The following SMAGP variants were observed in gnomAD, a reference collection of about 807,000 sequenced individuals.
SMAGP encodes small cell adhesion glycoprotein.
In SMAGP, 7 loss-of-function variants were observed where a neutral mutation model predicts 10.1. That is an observed-to-expected ratio of 0.70 (90% CI 0.40 to 1.31). The LOEUF (loss-of-function observed/expected upper bound fraction) is 1.31. Among genes scored for constraint, SMAGP ranks in the 50% most tolerant of loss-of-function variants. The pLI is 0.01. For synonymous variants in SMAGP, 49 were observed against 47.2 expected, an observed-to-expected ratio of 1.04 and a Z score of -0.16; for missense variants, 113 against 116.5, an observed-to-expected ratio of 0.97 and a Z score of 0.14.
chr12:51,246,475 A>G, intron 3 of SMAGP: 1 of 433,486 alleles, frequency 2.3e-6, no homozygotes, highest in East Asian at 3.6e-5. Context: ...CCACTCAACC[A>G]ACCACATATA....
intron 2 of SMAGP, among the ~76,000 whole-genome samples, chr12:51,248,643 C>G (rs1944808164): frequency 6.6e-6 from 1 of 152,180 alleles, no homozygotes; most frequent in Non-Finnish European, 1.5e-5. Context: ...CTTCCTCTGC[C>G]TTTCCCATAG....
intron 2 of SMAGP, among the ~76,000 whole-genome samples, chr12:51,248,900 CAAAAAAAAAA>C (rs545881552): frequency 1.4e-4 from 13 of 95,628 alleles, no homozygotes; most frequent in African/African-American, 4.1e-4. Flanking sequence ...AAAAATACCA[CAAAAAAAAAA>C]AAAAAAAAAA....
chr12:51,263,148 C>T (rs1326598712), intron 2 of SMAGP, among the ~76,000 whole-genome samples: 1 of 151,972 alleles, frequency 6.6e-6, no homozygotes, highest in Non-Finnish European at 1.5e-5. Context: ...TTTGGGAGGT[C>T]GGGGTGAGTG....
intron 2 of SMAGP, among the ~76,000 whole-genome samples, chr12:51,254,321 G>A (rs1458851197): frequency 2.0e-5 from 3 of 152,152 alleles, no homozygotes; most frequent in Non-Finnish European, 4.4e-5. Context: ...GGCCGAGGCG[G>A]GTGGATCATG....
chr12:51,255,552 C>G (rs1944877257), intron 2 of SMAGP, among the ~76,000 whole-genome samples: 1 of 152,162 alleles, frequency 6.6e-6, no homozygotes, highest in African/African-American at 2.4e-5. Context: ...CCAAGCACCC[C>G]AGGCTCAGCT....
At chr12:51,253,990 T>C (rs963596378) in intron 2 of SMAGP, among the ~76,000 whole-genome samples, 1 of 152,178 alleles carries the variant, frequency 6.6e-6, no homozygotes, top group South Asian at 2.1e-4. Flanking sequence ...CAGAAAGTAC[T>C]ACAGGAGATT....
chr12:51,259,240 G>A (rs1173884644), intron 2 of SMAGP, among the ~76,000 whole-genome samples: 2 of 152,064 alleles, frequency 1.3e-5, no homozygotes, highest in African/African-American at 2.4e-5. Flanking sequence ...AATGCCCTTG[G>A]GGTAAATGCA....
chr12:51,263,617 G>A (rs1944948130), intron 2 of SMAGP, among the ~76,000 whole-genome samples: 1 of 152,224 alleles, frequency 6.6e-6, no homozygotes, highest in Admixed American at 6.5e-5. Flanking sequence ...ATAAAATAAA[G>A]AAAAATGCTA....
chr12:51,254,317 G>A (rs1944868423), intron 2 of SMAGP, among the ~76,000 whole-genome samples: 1 of 152,170 alleles, frequency 6.6e-6, no homozygotes, highest in Non-Finnish European at 1.5e-5. Flanking sequence ...GGGAGGCCGA[G>A]GCGGGTGGAT....
chr12:51,246,300 T>TC lies in SMAGP; in HGVS notation c.116-182_116-181insG, dbSNP rs1198482175. On this transcript the variant is annotated intron_variant, in intron 3 of 3. Transcript: ENST00000603798. The stretch of plus-strand genomic sequence containing the variant: ...CCCAATTTCCATGGCACATAATAGC[T>TC]GGAGTCTCCTGGTGCTTAAGCTAAG... 4 of 808,296 alleles carry TC rather than the reference T, an allele frequency of 4.9e-6. No individual in the cohort carries two copies. In the East Asian group the frequency reaches 8.1e-5, roughly 16 times the overall value. 50.1% of individuals were successfully genotyped at this position (808,296 alleles called of 1,614,324 possible).
rs111568799 is a variant in SMAGP at position 51,250,511 on chromosome 12, G to GTT, written c.35-3682_35-3681dup. ...GTTGTTGTTGTTGTGTTTTTTTTTT[G>GTT]TTTTTTTTTTGTTGTTGTTGTTGAG... On this transcript the variant is annotated intron_variant, in intron 2 of 3. Transcript: ENST00000603798. 1.4e-5 allele frequency among the ~76,000 whole-genome samples: 2 copies of GTT among 145,210 alleles called. 1 individual carries two copies. Among genetic ancestry groups the GTT allele is most frequent in the African/African-American group, 5.1e-5 (2 of 39,028 alleles).
chr12:51,245,809 G>A lies in SMAGP; in HGVS notation c.*132C>T, dbSNP rs181916877. The stretch of plus-strand genomic sequence containing the variant: ...CAGTGATGTCGGCATTTGGGACTGC[G>A]ACCTGGCTGGAGCTTGGATTTGCCC... On this transcript the variant is annotated 3_prime_UTR_variant, in exon 4 of 4. Transcript: ENST00000603798. 1.3e-5 allele frequency: 14 copies of A among 1,045,902 alleles called. No homozygotes were observed. The East Asian group carries it at 2.1e-4, about 16-fold the overall frequency. The allele number at this position is 1,045,902 out of a possible 1,614,324, so 64.8% of individuals were successfully genotyped here. A position where few individuals can be genotyped will look rare whatever the true frequency, so the allele number is the denominator to read the frequency against.
chr12:51,246,747 T>C lies in SMAGP; in HGVS notation c.115+4A>G. The C allele has an allele frequency of 6.4e-7, 1 of 1,574,346 alleles. No individual in the cohort carries two copies. The highest frequency in any genetic ancestry group is 8.6e-7 in the Non-Finnish European group (1 of 1,160,792). On this transcript the variant is annotated splice_donor_region_variant and intron_variant, in intron 3 of 3. Transcript: ENST00000603798. ...TCCCTTGGAGTTGGCTCAGAGTCTA[T>C]TACCTGCAATGAGTGCTGTGCTGGC...
chr12:51,268,388 G>A (rs1194158681), intron 2 of SMAGP, among the ~76,000 whole-genome samples: 1 of 152,006 alleles, frequency 6.6e-6, no homozygotes, highest in Non-Finnish European at 1.5e-5. Flanking sequence ...GAGCTTAGAG[G>A]TTAGCAATAC....
chr12:51,248,085 C>T (rs1040437662), intron 2 of SMAGP, among the ~76,000 whole-genome samples: 13 of 151,796 alleles, frequency 8.6e-5, no homozygotes, highest in Non-Finnish European at 1.9e-4. Flanking sequence ...GGCCCGAGCG[C>T]GGTGTGAGCA....
intron 2 of SMAGP, among the ~76,000 whole-genome samples, chr12:51,259,563 C>T (rs867701847): frequency 1.3e-5 from 2 of 152,256 alleles, no homozygotes; most frequent in Admixed American, 6.5e-5. Flanking sequence ...AAGCCAACTA[C>T]TCACAAAGAA....
intron 2 of SMAGP, among the ~76,000 whole-genome samples, chr12:51,258,724 G>A (rs1262543488): frequency 1.3e-5 from 2 of 152,128 alleles, no homozygotes; most frequent in Admixed American, 6.6e-5. Flanking sequence ...TGCCAGTCTA[G>A]ACAGAGACTC....
At chr12:51,250,512 T>TTTTTTTTTTTTTTTTTTTTG (rs1944828014) in intron 2 of SMAGP, among the ~76,000 whole-genome samples, 1 of 128,306 alleles carries the variant, frequency 7.8e-6, no homozygotes. Flanking sequence ...TTTTTTTTTG[T>TTTTTTTTTTTTTTTTTTTTG]TTTTTTTTTG....
chr12:51,266,881 C>T (rs1003796994), intron 2 of SMAGP, among the ~76,000 whole-genome samples: 4 of 152,182 alleles, frequency 2.6e-5, no homozygotes, highest in East Asian at 1.9e-4. Context: ...TTTGGGAGGC[C>T]GAGAAGGGCA....
Sources: gnomAD v4.1 joint callset for allele counts (sites outside exome capture counted in the v4.1 genomes callset) on GRCh38, gnomAD v4.1.1 for gene constraint, MANE v1.5 for transcripts, NCBI Gene and HGNC (gene_info 2026-07-23, HGNC 2026-07-21) for gene names.